Variants in RNF144A observed in about 807,000 individuals in gnomAD.
RNF144A encodes the protein ring finger protein 144A.
RNF144A carries 11 observed loss-of-function variants against 38.7 expected under a neutral mutation model. The observed-to-expected ratio is 0.28, with a 90% CI of 0.18 to 0.47. The LOEUF (loss-of-function observed/expected upper bound fraction) is 0.47, where lower values mean the gene tolerates loss of function less well. RNF144A is among the 20% of genes least tolerant of loss of function. The pLI is 0.99. For synonymous variants in RNF144A, 149 were observed against 143.9 expected (o/e 1.04, Z -0.25); for missense variants, 316 against 377.2 (o/e 0.84, Z 1.34).
rs977246580 is a variant in RNF144A at position 7,019,847 on chromosome 2, A to G, written c.302-626A>G. 2.6e-5 allele frequency among the ~76,000 whole-genome samples: 4 copies of G among 152,228 alleles called. 1 individual carries two copies. The highest frequency in any genetic ancestry group is 2.6e-4 in the Admixed American group (4 of 15,286). On this transcript the variant is annotated intron_variant, in intron 5 of 8. Transcript: ENST00000320892. ...CTTAGAAATGTGTGCTGTGATTTGG[A>G]GAGAAAATCTGGCCCTTGAAGGATT...
In RNF144A at chr2:7,040,668, G is replaced by A. The variant is rs1388981459; in HGVS notation, c.*908G>A. 3.0e-6 allele frequency: 3 copies of A among 985,348 alleles called. No homozygotes were observed. Among genetic ancestry groups the A allele is most frequent in the East Asian group, 2.3e-4 (2 of 8,832 alleles). The allele number at this position is 985,348 out of a possible 1,614,324, so 61.0% of individuals were successfully genotyped here. On this transcript the variant is annotated 3_prime_UTR_variant, in exon 9 of 9. Coordinates refer to ENST00000320892, the MANE Select transcript of RNF144A (RefSeq NM_014746.6). Reference sequence around the variant, plus strand: ...TTCTCCTCCGAATTGCTGCCGTCTGGCCTCTGGCCTCAGTCTTCAGATAGA... The same window carrying A: ...TTCTCCTCCGAATTGCTGCCGTCTGACCTCTGGCCTCAGTCTTCAGATAGA...
intron 5 of RNF144A, among the ~76,000 whole-genome samples, chr2:7,018,723 C>T (rs1324671026): frequency 1.3e-5 from 2 of 152,220 alleles, no homozygotes; most frequent in Non-Finnish European, 2.9e-5. Flanking sequence ...TTTGTCCATT[C>T]ATTCAGTATG....
chr2:7,020,039 T>A (rs1166210566), intron 5 of RNF144A, among the ~76,000 whole-genome samples: 1 of 152,196 alleles, frequency 6.6e-6, no homozygotes, highest in Non-Finnish European at 1.5e-5. Flanking sequence ...CATGGGGCCA[T>A]CAGGGGTCCA....
chr2:6,982,078 G>A (rs1472789703), intron 2 of RNF144A, among the ~76,000 whole-genome samples: 1 of 152,128 alleles, frequency 6.6e-6, no homozygotes, highest in Non-Finnish European at 1.5e-5. Context: ...CAGCATGGGG[G>A]AAACTGCCCC....
At chr2:6,970,708 A>G (rs1235086459) in intron 2 of RNF144A, among the ~76,000 whole-genome samples, 2 of 152,162 alleles carry the variant, frequency 1.3e-5, no homozygotes, top group African/African-American at 4.8e-5. Flanking sequence ...GTGGTGGACA[A>G]TGAGCCCAGG....
At chr2:6,967,105 T>A (rs1174731070) in intron 2 of RNF144A, among the ~76,000 whole-genome samples, 1 of 152,194 alleles carries the variant, frequency 6.6e-6, no homozygotes, top group Admixed American at 6.5e-5. Context: ...ATGTTCTCCC[T>A]TTCCGTGACT....
At chr2:7,056,663 C>T (rs1673751749) in intron 6 of RNF144A, among the ~76,000 whole-genome samples, 1 of 152,148 alleles carries the variant, frequency 6.6e-6, no homozygotes, top group Admixed American at 6.5e-5. Context: ...CCTGCTGCTG[C>T]CCTCAAGTGT....
chr2:6,921,466 A>G (rs1007932537), intron 1 of RNF144A, among the ~76,000 whole-genome samples: 1 of 152,238 alleles, frequency 6.6e-6, no homozygotes, highest in Admixed American at 6.5e-5. Context: ...CAGTTCTCAC[A>G]CAGCCCTGCA....
At chr2:6,980,644 G>C (rs1355858565) in intron 2 of RNF144A, among the ~76,000 whole-genome samples, 1 of 152,236 alleles carries the variant, frequency 6.6e-6, no homozygotes, top group Non-Finnish European at 1.5e-5. Context: ...TCATAGGCTG[G>C]CATTGAGCGC....
chr2:7,035,822 C>G (rs1178206569), intron 8 of RNF144A, among the ~76,000 whole-genome samples: 2 of 152,208 alleles, frequency 1.3e-5, no homozygotes, highest in Admixed American at 1.3e-4. Flanking sequence ...TTATATGCCA[C>G]TTGCATCTTA....
At chr2:7,027,195 G>GCCTCTCCTCCCCTGCTTC (rs1447466301) in intron 7 of RNF144A, among the ~76,000 whole-genome samples, 4 of 152,138 alleles carry the variant, frequency 2.6e-5, no homozygotes, top group African/African-American at 9.7e-5. Context: ...GGTCCTTACT[G>GCCTCTCCTCCCCTGCTTC]CCTCTCCTCC....
downstream of RNF144A, among the ~76,000 whole-genome samples, chr2:7,045,781 G>A (rs1361223971): frequency 6.6e-6 from 1 of 152,114 alleles, no homozygotes; most frequent in Non-Finnish European, 1.5e-5. Flanking sequence ...GAAGGTGGAC[G>A]GGTACAGCAG....
At chr2:7,018,986 C>T (rs1298290070) in intron 5 of RNF144A, among the ~76,000 whole-genome samples, 1 of 152,098 alleles carries the variant, frequency 6.6e-6, no homozygotes, top group Non-Finnish European at 1.5e-5. Context: ...CTGCTGCTGT[C>T]AAGTTTTGCT....
chr2:6,953,047 A>C (rs1343901097), intron 2 of RNF144A, among the ~76,000 whole-genome samples: 1 of 152,092 alleles, frequency 6.6e-6, no homozygotes, highest in Non-Finnish European at 1.5e-5. Context: ...ATTTTGGGCT[A>C]TAGTTGCTTT....
chr2:6,995,307 G>A (rs758218142), intron 2 of RNF144A, among the ~76,000 whole-genome samples: 15 of 152,202 alleles, frequency 9.9e-5, no homozygotes, highest in South Asian at 2.1e-4. Flanking sequence ...CAGCGGCATC[G>A]TCAGATTCCC....
intron 2 of RNF144A, among the ~76,000 whole-genome samples, chr2:6,990,003 C>T (rs1669227753): frequency 6.6e-6 from 1 of 152,196 alleles, no homozygotes; most frequent in Non-Finnish European, 1.5e-5. Context: ...TCCCATACCA[C>T]AGTGGCACAT....
At chr2:6,961,832 C>T (rs1271502196) in intron 2 of RNF144A, among the ~76,000 whole-genome samples, 1 of 152,172 alleles carries the variant, frequency 6.6e-6, no homozygotes, top group African/African-American at 2.4e-5. Context: ...TCTTGGAATT[C>T]CTAGGCAGTG....
Position 6,958,158 on chromosome 2 carries a change from G to A in RNF144A, c.-12+17011G>A, listed in dbSNP as rs1042052247. Among the ~76,000 whole-genome samples, 7 of 152,232 alleles carry A rather than the reference G, an allele frequency of 4.6e-5. No homozygotes were observed. Among genetic ancestry groups the A allele is most frequent in the Non-Finnish European group, 7.3e-5 (5 of 68,042 alleles). ...GCGCAGCCACCATGGGGCACCGGGC[G>A]TGCTGTCTCTTCCTGGAAGGTGGAA... is the stretch of plus-strand genomic sequence containing the variant. On this transcript the variant is annotated intron_variant, in intron 2 of 8. Coordinates refer to ENST00000320892, the MANE Select transcript of RNF144A (RefSeq NM_014746.6). The surrounding 1 kb of genome is among the most constrained non-coding windows in gnomAD (Gnocchi z 4.5).
chr2:7,041,811 C>A lies in RNF144A; in HGVS notation c.*2051C>A. 2.0e-6 allele frequency: 2 copies of A among 985,518 alleles called. No individual in the cohort carries two copies. Among genetic ancestry groups the A allele is most frequent in the Non-Finnish European group, 2.4e-6 (2 of 830,002 alleles). The allele number at this position is 985,518 out of a possible 1,614,324, so 61.0% of individuals were successfully genotyped here. ...GCATGAGCCCACACAGTAGCACCCC[C>A]GTCCTTAGGATGAGAGTCAGAGCCT... On this transcript the variant is annotated 3_prime_UTR_variant, in exon 9 of 9. Transcript: ENST00000320892.
Sources: allele counts gnomAD v4.1 joint callset (sites outside exome capture counted in the v4.1 genomes callset), GRCh38; gene constraint gnomAD v4.1.1; non-coding constraint Gnocchi (gnomAD v3.1); transcripts MANE v1.5; gene names NCBI Gene and HGNC (gene_info 2026-07-23, HGNC 2026-07-21).